FOXO1: variants seen among roughly 807,000 people sequenced by gnomAD.
FOXO1 encodes forkhead box O1, also known as forkhead box protein O1.
FOXO1 carries 6 observed loss-of-function variants against 44.1 expected under a neutral mutation model. The ratio of observed to expected loss-of-function variants is 0.14; its 90% CI spans 0.07 to 0.27. The LOEUF (loss-of-function observed/expected upper bound fraction) is 0.27, where lower values mean the gene tolerates loss of function less well. Among genes scored for constraint, FOXO1 ranks in the 10% least tolerant of loss-of-function variants. The pLI is 1.00. For synonymous variants in FOXO1, 380 were observed against 362.7 expected, an observed-to-expected ratio of 1.05 and a Z score of -0.54; for missense variants, 737 against 888.8, an observed-to-expected ratio of 0.83 and a Z score of 2.17.
At chr13:40,578,903 C>T (rs138068037) in intron 1 of FOXO1, among the ~76,000 whole-genome samples, 19 of 152,292 alleles carry the variant, frequency 1.2e-4, no homozygotes, top group African/African-American at 4.3e-4. Flanking sequence ...TCTTTGCCCG[C>T]GCTTCTTGAC....
At chr13:40,637,892 T>C (rs1877213457) in intron 1 of FOXO1, among the ~76,000 whole-genome samples, 1 of 152,184 alleles carries the variant, frequency 6.6e-6, no homozygotes, top group Non-Finnish European at 1.5e-5. Flanking sequence ...GTTATTTAGA[T>C]AAGCAATACT....
At chr13:40,651,210 A>G (rs918344340) in intron 1 of FOXO1, among the ~76,000 whole-genome samples, 3 of 151,906 alleles carry the variant, frequency 2.0e-5, no homozygotes, top group Non-Finnish European at 2.9e-5. Flanking sequence ...AATAGACAAG[A>G]CTACAGGCAC....
chr13:40,629,179 G>A (rs979820981), intron 1 of FOXO1, among the ~76,000 whole-genome samples: 24 of 148,476 alleles, frequency 1.6e-4, no homozygotes, highest in African/African-American at 5.8e-4. Context: ...TTTCACTCTT[G>A]TTGCCCAGGC....
At chr13:40,622,512 C>G (rs1386084745) in intron 1 of FOXO1, among the ~76,000 whole-genome samples, 1 of 152,206 alleles carries the variant, frequency 6.6e-6, no homozygotes, top group Non-Finnish European at 1.5e-5. Flanking sequence ...TCTGAGACAT[C>G]AACTTTGAAA....
intron 1 of FOXO1, among the ~76,000 whole-genome samples, chr13:40,637,809 C>T (rs1449978945): frequency 2.6e-5 from 4 of 152,162 alleles, no homozygotes; most frequent in Admixed American, 1.3e-4. Context: ...GCAGTGTGAC[C>T]GGCAAACCGA....
intron 1 of FOXO1, among the ~76,000 whole-genome samples, chr13:40,613,984 G>C (rs192107456): frequency 6.6e-6 from 1 of 152,148 alleles, no homozygotes; most frequent in East Asian, 1.9e-4. Flanking sequence ...CACTCAACCC[G>C]GTATTTTAAC....
At position 40,622,233 on chromosome 13, in the gene FOXO1, A is replaced by T. The variant is rs547776817; in HGVS notation, c.630+43350T>A. Reference sequence around the variant, plus strand: ...TTTCTCAAATTTAGTGTTAAAATCTAAAAAAAGTCTATAAAGAATCGATTG... The same window carrying T: ...TTTCTCAAATTTAGTGTTAAAATCTTAAAAAAGTCTATAAAGAATCGATTG... On this transcript the variant is annotated intron_variant, in intron 1 of 2. Coordinates refer to ENST00000379561, the MANE Select transcript of FOXO1 (RefSeq NM_002015.4). 3.8e-4 allele frequency among the ~76,000 whole-genome samples: 58 copies of T among 152,248 alleles called. 1 individual carries two copies. The highest frequency in any genetic ancestry group is 1.2e-3 in the African/African-American group (50 of 41,512).
intron 1 of FOXO1, among the ~76,000 whole-genome samples, chr13:40,565,210 T>C (rs1444588531): frequency 1.3e-5 from 2 of 152,156 alleles, no homozygotes; most frequent in Non-Finnish European, 2.9e-5. Flanking sequence ...TCAACTAACA[T>C]TTACTGGAAA....
At chr13:40,576,696 T>C (rs1328224987) in intron 1 of FOXO1, among the ~76,000 whole-genome samples, 7 of 152,220 alleles carry the variant, frequency 4.6e-5, no homozygotes, top group Non-Finnish European at 8.8e-5. Flanking sequence ...GTCTCATGAC[T>C]TGAAGGATAC....
chr13:40,664,260 A>G (rs1878140984), intron 1 of FOXO1, among the ~76,000 whole-genome samples: 1 of 152,156 alleles, frequency 6.6e-6, no homozygotes, highest in African/African-American at 2.4e-5. Context: ...CGACAGAGCG[A>G]GACTCCGTCT....
At chr13:40,573,313 G>C (rs1405957796) in intron 1 of FOXO1, among the ~76,000 whole-genome samples, 1 of 152,148 alleles carries the variant, frequency 6.6e-6, no homozygotes, top group East Asian at 1.9e-4. Context: ...CTTAAATGCA[G>C]TCTCAGGTCA....
intron 1 of FOXO1, among the ~76,000 whole-genome samples, chr13:40,650,801 C>A (rs766562197): frequency 2.0e-5 from 3 of 152,212 alleles, no homozygotes; most frequent in Non-Finnish European, 4.4e-5. Flanking sequence ...GTTACCCAGG[C>A]TGGAGTGCAG....
intron 1 of FOXO1, among the ~76,000 whole-genome samples, chr13:40,598,333 A>C (rs1875674103): frequency 6.6e-6 from 1 of 152,126 alleles, no homozygotes; most frequent in Non-Finnish European, 1.5e-5. Flanking sequence ...TTTTCTGTTG[A>C]TGTTGTTACT....
chr13:40,620,323 C>T, intron 1 of FOXO1: 2 of 852,896 alleles, frequency 2.3e-6, no homozygotes, highest in Non-Finnish European at 4.0e-6. Context: ...CATACAGTCA[C>T]TATTCAAAGC....
chr13:40,608,280 T>G (rs879733018), intron 1 of FOXO1, among the ~76,000 whole-genome samples: 1 of 152,192 alleles, frequency 6.6e-6, no homozygotes, highest in Non-Finnish European at 1.5e-5. Context: ...CTATGGCTAA[T>G]GGGATGCTAG....
At chr13:40,572,058 C>T (rs1874539967) in intron 1 of FOXO1, among the ~76,000 whole-genome samples, 1 of 152,146 alleles carries the variant, frequency 6.6e-6, no homozygotes, top group Non-Finnish European at 1.5e-5. Context: ...CCTGTTAATC[C>T]TGTTCATGCT....
Position 40,560,826 on chromosome 13 carries a change from T to A in FOXO1, c.665A>T (p.Lys222Met). The stretch of plus-strand genomic sequence containing the variant: ...TCCTTCATTCTGCACACGAATGAAC[T>A]TGCTGTGTAGGGACAGATTATGACG... ...SIRHNLSLHS[K>M]FIRVQNEGTG... is the part of the protein sequence containing the mutation. Residue 222 changes from lysine to methionine, a missense_variant, in exon 2 of 3, where the codon AAG (lysine) becomes ATG (methionine). By Grantham distance (95) the Lys-to-Met change is moderately conservative. This residue lies in a region of FOXO1 where 8 missense variants were observed against 31.2 expected (regional missense o/e 0.26). Transcript: ENST00000379561. The surrounding 1 kb of genome is among the most constrained non-coding windows in gnomAD (Gnocchi z 5.1). The A allele has an allele frequency of 6.2e-7, 1 of 1,613,554 alleles. No homozygotes were observed. Among genetic ancestry groups the A allele is most frequent in the Non-Finnish European group, 8.5e-7 (1 of 1,179,750 alleles).
Position 40,666,543 on chromosome 13 carries a change from T to C in FOXO1, c.-331A>G, listed in dbSNP as rs1878265630. The C allele has an allele frequency of 7.8e-6, 2 of 255,740 alleles. No homozygotes were observed. Among genetic ancestry groups the C allele is most frequent in the Middle Eastern group, 1.1e-3 (1 of 928 alleles). The allele number at this position is 255,740 out of a possible 1,614,324, so 15.8% of individuals were successfully genotyped here. ...GGACGGACGGACGCCGCGGGCCGCT[T>C]GCTCTCCCCAGCGGCGCGCCCGCTG... On this transcript the variant is annotated 5_prime_UTR_variant, in exon 1 of 3. Coordinates refer to ENST00000379561, the MANE Select transcript of FOXO1 (RefSeq NM_002015.4).
intron 1 of FOXO1, among the ~76,000 whole-genome samples, chr13:40,601,163 C>T (rs1032276858): frequency 1.3e-5 from 2 of 152,100 alleles, no homozygotes; most frequent in Non-Finnish European, 2.9e-5. Context: ...CAAATTTGTT[C>T]ATTAAAGCCC....
Sources: allele counts gnomAD v4.1 joint callset (sites outside exome capture counted in the v4.1 genomes callset), GRCh38; gene constraint gnomAD v4.1.1; regional missense constraint gnomAD v4.1.1; non-coding constraint Gnocchi (gnomAD v3.1); transcripts MANE v1.5; gene names NCBI Gene and HGNC (gene_info 2026-07-23, HGNC 2026-07-21).